Variants in HCN4 observed in about 807,000 individuals in gnomAD.
The protein encoded by HCN4 is hyperpolarization activated cyclic nucleotide gated potassium channel 4, also known as potassium/sodium hyperpolarization-activated cyclic nucleotide-gated channel 4.
A neutral mutation model predicts 76.9 loss-of-function variants in HCN4; 29 were observed. That is an observed-to-expected ratio of 0.38 (90% confidence interval 0.28 to 0.51). The LOEUF is 0.51. Ranked by LOEUF, HCN4 falls within the 20% of genes least tolerant of loss-of-function variation. The pLI is 0.90. For synonymous variants in HCN4, 772 were observed against 762.5 expected (o/e 1.01, Z -0.21); for missense variants, 1,416 against 1,715.2 (o/e 0.83, Z 3.08).
intron 2 of HCN4, among the ~76,000 whole-genome samples, chr15:73,337,079 G>A (rs1258716094): frequency 2.6e-5 from 4 of 152,122 alleles, no homozygotes; most frequent in Non-Finnish European, 5.9e-5. Flanking sequence ...ATCTGCCTGC[G>A]TGCTGCCTCC....
chr15:73,343,542 G>C lies in HCN4; in HGVS notation c.1052C>G (p.Pro351Arg). 1 of 1,614,178 alleles carries C rather than the reference G, an allele frequency of 6.2e-7. No individual in the cohort carries two copies. The highest frequency in any genetic ancestry group is 8.5e-7 in the Non-Finnish European group (1 of 1,180,028). ...CACAATGAGGAAGATGTAGTCCACG[G>C]GGATGGAGGAAATGAAATCTACCAT... is the stretch of plus-strand genomic sequence containing the variant. The part of the protein sequence containing the change: ...WFMVDFISSI[P>R]VDYIFLIVET... The change falls in exon 2 of 8, where the codon CCC (proline) becomes CGC (arginine). Residue 351 changes from proline to arginine, a missense_variant. Pro to Arg is a moderately radical substitution (Grantham distance 103, BLOSUM62 -2). Coordinates refer to ENST00000261917, the MANE Select transcript of HCN4 (RefSeq NM_005477.3). This position sits in a 1 kb window ranked among gnomAD's most constrained non-coding sequence, Gnocchi z 5.7.
At chr15:73,358,413 C>T (rs972382720) in intron 1 of HCN4, among the ~76,000 whole-genome samples, 4 of 152,198 alleles carry the variant, frequency 2.6e-5, no homozygotes, top group Non-Finnish European at 4.4e-5. Flanking sequence ...TCACATTAAT[C>T]ATTAACAGGG....
rs957114500 is a variant in HCN4 at position 73,321,494 on chromosome 15, A to G, written c.*987T>C. On this transcript the variant is annotated 3_prime_UTR_variant, in exon 8 of 8. Transcript: ENST00000261917. ...TGAAACTGAAGGAGTTAATGTGTGT[A>G]AAGTGCGAAACCAGTGCTTGGCACA... The G allele has an allele frequency of 2.0e-5, 3 of 152,580 alleles. No individual in the cohort carries two copies. Among genetic ancestry groups the G allele is most frequent in the African/African-American group, 7.2e-5 (3 of 41,472 alleles). The allele number at this position is 152,580 out of a possible 1,614,324, so 9.5% of individuals were successfully genotyped here. A position where few individuals can be genotyped will look rare whatever the true frequency, so the allele number is the denominator to read the frequency against.
intron 1 of HCN4, among the ~76,000 whole-genome samples, chr15:73,358,194 G>A (rs566963513): frequency 5.3e-5 from 8 of 152,268 alleles, no homozygotes; most frequent in Non-Finnish European, 8.8e-5. Context: ...GGGGCGGGCC[G>A]GCCCCCACAC....
chr15:73,368,022 G>C lies in HCN4; in HGVS notation c.249C>G (p.Gly83=). 1.4e-6 allele frequency: 2 copies of C among 1,420,148 alleles called. No homozygotes were observed. Among genetic ancestry groups the C allele is most frequent in the Admixed American group, 3.0e-5 (1 of 32,962 alleles). 88.0% of individuals were successfully genotyped at this position (1,420,148 alleles called of 1,614,324 possible). The change falls in exon 1 of 8, where the codon GGC becomes GGG. Residue 83 remains glycine, a synonymous_variant. Transcript: ENST00000261917. This position sits in a 1 kb window ranked among gnomAD's most constrained non-coding sequence, Gnocchi z 6.9. Reference sequence around the variant, plus strand: ...CGCCGTTCGTGCTGGACTTGCCCGCGCCGCGGGCCGGCCCTTCGCTGTCCG... The same window carrying C: ...CGCCGTTCGTGCTGGACTTGCCCGCCCCGCGGGCCGGCCCTTCGCTGTCCG... ...GAADSEGPAR[G]AGKSSTNGDC... is the part of the protein sequence containing the mutation.
chr15:73,362,441 C>T (rs2043109149), intron 1 of HCN4, among the ~76,000 whole-genome samples: 1 of 152,252 alleles, frequency 6.6e-6, no homozygotes. Flanking sequence ...ATGAGAAATA[C>T]AGCATCTCAG....
chr15:73,345,493 G>A (rs2043025611), intron 1 of HCN4, among the ~76,000 whole-genome samples: 1 of 152,040 alleles, frequency 6.6e-6, no homozygotes, highest in Admixed American at 6.5e-5. Flanking sequence ...AAGGCCTGAG[G>A]ACCCATCCTC....
intron 1 of HCN4, among the ~76,000 whole-genome samples, chr15:73,364,463 A>G (rs1222019764): frequency 4.6e-5 from 7 of 152,196 alleles, no homozygotes; most frequent in African/African-American, 7.2e-5. Flanking sequence ...TTGTTGTTCC[A>G]GGTTCTCCAG....
Position 73,324,268 on chromosome 15 carries a change from G to A in HCN4, c.1979-15C>T. On this transcript the variant is annotated splice_polypyrimidine_tract_variant and intron_variant, in intron 6 of 7. Coordinates refer to ENST00000261917, the MANE Select transcript of HCN4 (RefSeq NM_005477.3). The stretch of plus-strand genomic sequence containing the variant: ...CAGGCAGATCTCTGCCAGAGCATCA[G>A]GACTCAGGATGAGGCATGCACAGCC... 6.2e-7 allele frequency: 1 copy of A among 1,613,390 alleles called. No homozygotes were observed. The highest frequency in any genetic ancestry group is 8.5e-7 in the Non-Finnish European group (1 of 1,179,706).
chr15:73,345,173 C>T (rs2043024301), intron 1 of HCN4, among the ~76,000 whole-genome samples: 3 of 152,212 alleles, frequency 2.0e-5, no homozygotes, highest in Admixed American at 1.3e-4. Flanking sequence ...AAAGAAATTA[C>T]TTCATAGCAA....
In HCN4 at chr15:73,330,071, T is replaced by C. The variant is rs557412203; in HGVS notation, c.1372-280A>G. On this transcript the variant is annotated intron_variant, in intron 3 of 7. Transcript: ENST00000261917. ...CGTGGCCCAGCCCCCATGGGGCAGC[T>C]TGGAGCCTCCTGGCTGGGTAGCAAA... Among the ~76,000 whole-genome samples the C allele has an allele frequency of 1.1e-4, 16 of 152,126 alleles. No individual in the cohort carries two copies. In the South Asian group the frequency reaches 3.3e-3, roughly 32 times the overall value.
In HCN4 at chr15:73,343,582, G is replaced by T. The variant is rs868805712; in HGVS notation, c.1012C>A (p.Leu338Met). 1.2e-6 allele frequency: 2 copies of T among 1,614,154 alleles called. No individual in the cohort carries two copies. Among genetic ancestry groups the T allele is most frequent in the African/African-American group, 2.7e-5 (2 of 75,014 alleles). Reference sequence around the variant, plus strand: ...AAATCTACCATGAACCAGCTTTTCAGGTACTTCATTTTAATCCGCTGCGGG... The same window carrying T: ...AAATCTACCATGAACCAGCTTTTCATGTACTTCATTTTAATCCGCTGCGGG... Reference protein sequence around the residue: ...LDPQRIKMKYLKSWFMVDFIS... With the variant: ...LDPQRIKMKYMKSWFMVDFIS... Residue 338 changes from leucine to methionine, a missense_variant, in exon 2 of 8, where the codon CTG (leucine) becomes ATG (methionine). Around this residue, in one of 6 missense-constraint regions of HCN4, gnomAD observed 23 missense variants for 19.1 expected, o/e 1.21. Transcript: ENST00000261917. The surrounding 1 kb of genome is among the most constrained non-coding windows in gnomAD (Gnocchi z 5.7).
Position 73,343,216 on chromosome 15 carries a change from T to C in HCN4, c.1209+169A>G, listed in dbSNP as rs1053848505. 1.3e-5 allele frequency among the ~76,000 whole-genome samples: 2 copies of C among 152,250 alleles called. No individual in the cohort carries two copies. Among genetic ancestry groups the C allele is most frequent in the Non-Finnish European group, 2.9e-5 (2 of 68,054 alleles). ...TCATTGAGATACTGCATGTAAAGTA[T>C]CCAGCACATGATAAGAGGTCAAGAA... On this transcript the variant is annotated intron_variant, in intron 2 of 7. Transcript: ENST00000261917. This position sits in a 1 kb window ranked among gnomAD's most constrained non-coding sequence, Gnocchi z 5.7.
rs535869738 is a variant in HCN4, at chr15:73,343,246, C to A, written c.1209+139G>T. ...CACATGATAAGAGGTCAAGAACTTA[C>A]TAGTATTTGTCCTCTTGGAGCAGGT... On this transcript the variant is annotated intron_variant, in intron 2 of 7. Coordinates refer to ENST00000261917, the MANE Select transcript of HCN4 (RefSeq NM_005477.3). The surrounding 1 kb of genome is among the most constrained non-coding windows in gnomAD (Gnocchi z 5.7). 1 of 767,674 alleles carries A rather than the reference C, an allele frequency of 1.3e-6. No homozygotes were observed. The highest frequency in any genetic ancestry group is 2.2e-6 in the Non-Finnish European group (1 of 450,550). The allele number at this position is 767,674 out of a possible 1,614,324, so 47.6% of individuals were successfully genotyped here. A position where few individuals can be genotyped will look rare whatever the true frequency, so the allele number is the denominator to read the frequency against.
chr15:73,345,881 C>G (rs181506350), intron 1 of HCN4, among the ~76,000 whole-genome samples: 1 of 152,144 alleles, frequency 6.6e-6, no homozygotes, highest in Non-Finnish European at 1.5e-5. Flanking sequence ...GGGTGCAAGG[C>G]GGCTGGGAAT....
In HCN4 at chr15:73,324,226, C is replaced by T. The variant is rs2042885278; in HGVS notation, c.2006G>A (p.Arg669His). 2 of 1,613,940 alleles carry T rather than the reference C, an allele frequency of 1.2e-6. No homozygotes were observed. Among genetic ancestry groups the T allele is most frequent in the Non-Finnish European group, 1.7e-6 (2 of 1,179,930 alleles). Residue 669 changes from arginine to histidine, a missense_variant, in exon 7 of 8, where the codon CGC becomes CAC. Around this residue, in one of 6 missense-constraint regions of HCN4, gnomAD observed 241 missense variants for 379.4 expected, o/e 0.64. Coordinates refer to ENST00000261917, the MANE Select transcript of HCN4 (RefSeq NM_005477.3). The part of the protein sequence containing the change: ...GEICLLTRGR[R>H]TASVRADTYC... ...GGTGTCGGCCCTCACGCTGGCTGTG[C>T]GCCGGCCCCGGGTCAGCAGGCAGAT... is the stretch of plus-strand genomic sequence containing the variant.
At chr15:73,326,799 T>TG (rs1351186270) in intron 4 of HCN4, among the ~76,000 whole-genome samples, 2 of 151,508 alleles carry the variant, frequency 1.3e-5, no homozygotes, top group Non-Finnish European at 2.9e-5. Context: ...ATTTATTTTT[T>TG]TTGTTAAGAC....
intron 1 of HCN4, among the ~76,000 whole-genome samples, chr15:73,353,004 AGATG>A (rs756120632): frequency 0.16 from 23,611 of 150,808 alleles, 2,177 homozygotes; most frequent in Middle Eastern, 0.24. Flanking sequence ...ATGGATGGAC[AGATG>A]GATGGATGGA....
In HCN4 at chr15:73,325,488, G is replaced by T. The variant is rs181976619; in HGVS notation, c.1591-44C>A. 738 of 1,609,202 alleles carry T rather than the reference G, an allele frequency of 4.6e-4. 2 individuals are homozygous for T. In the African/African-American group the frequency reaches 8.8e-3, roughly 19 times the overall value. The stretch of plus-strand genomic sequence containing the variant: ...GGCGTCAGCTCCACCCCACCAGGGG[G>T]CGTCAGCAGCCAGCCCCACCACCTC... On this transcript the variant is annotated intron_variant, in intron 4 of 7. Coordinates refer to ENST00000261917, the MANE Select transcript of HCN4 (RefSeq NM_005477.3). The surrounding 1 kb of genome is among the most constrained non-coding windows in gnomAD (Gnocchi z 7.4).
Sources: gnomAD v4.1 joint callset for allele counts (sites outside exome capture counted in the v4.1 genomes callset) on GRCh38, gnomAD v4.1.1 for gene constraint, gnomAD v4.1.1 regional missense constraint, Gnocchi (gnomAD v3.1) non-coding constraint, MANE v1.5 for transcripts, NCBI Gene and HGNC (gene_info 2026-07-23, HGNC 2026-07-21) for gene names.